Variants in ICAM2 observed in about 807,000 individuals in gnomAD.
The protein encoded by ICAM2 is ICAM-2.
Under a neutral mutation model 19.1 loss-of-function variants are expected in ICAM2, and 14 were observed. The observed-to-expected ratio is 0.73, with a 90% CI of 0.48 to 1.15. The LOEUF (loss-of-function observed/expected upper bound fraction) is 1.15, where lower values mean the gene tolerates loss of function less well. Among genes scored for constraint, ICAM2 ranks in the 50% most tolerant of loss-of-function variants. ICAM2 has a pLI of 0.00. For synonymous variants in ICAM2, 153 were observed against 152.7 expected (o/e 1.00, Z -0.01); for missense variants, 311 against 355.4 (o/e 0.88, Z 1.00).
At chr17:64,017,842 AG>A (rs1911773743) in intron 1 of ICAM2, among the ~76,000 whole-genome samples, 1 of 152,230 alleles carries the variant, frequency 6.6e-6, no homozygotes, top group African/African-American at 2.4e-5. Flanking sequence ...TAAATGACAC[AG>A]GATCAATTGA....
chr17:64,006,935 C>G (rs1158700656), intron 1 of ICAM2, 200 bp from the exon 2 acceptor site: 1 of 559,694 alleles, frequency 1.8e-6, no homozygotes, highest in African/African-American at 1.9e-5. Context: ...TAACCCAGTC[C>G]TCCCTGCTGA....
chr17:64,010,559 T>C (rs941205077), intron 1 of ICAM2, among the ~76,000 whole-genome samples: 1 of 151,186 alleles, frequency 6.6e-6, no homozygotes, highest in Non-Finnish European at 1.5e-5. Flanking sequence ...AAAAAACTAT[T>C]AGAATTGTGT....
At chr17:64,018,357 A>T (rs1911800327) in intron 1 of ICAM2, among the ~76,000 whole-genome samples, 1 of 148,850 alleles carries the variant, frequency 6.7e-6, no homozygotes, top group Non-Finnish European at 1.5e-5. Context: ...AAAAAAAAAA[A>T]GACACAAAGA....
At position 64,003,879 on chromosome 17, in the gene ICAM2, G is replaced by A. The variant is rs1327768746; in HGVS notation, c.414C>T (p.Thr138=). 1.9e-6 allele frequency: 3 copies of A among 1,614,178 alleles called. No homozygotes were observed. Among genetic ancestry groups the A allele is most frequent in the Admixed American group, 1.7e-5 (1 of 60,026 alleles). The part of the protein sequence containing the change: ...KSFTIECRVP[T]VEPLDSLTLF... The stretch of plus-strand genomic sequence containing the variant: ...GGGTGAGGCTGTCCAGGGGCTCCAC[G>A]GTGGGCACCCTGCACTCAATGGTGA... Residue 138 remains threonine, a synonymous_variant, in exon 4 of 5, where the codon ACC becomes ACT. Transcript: ENST00000579788.
Position 64,005,113 on chromosome 17 carries a change from C to G in ICAM2, c.322G>C (p.Val108Leu). 1.2e-6 allele frequency: 2 copies of G among 1,614,116 alleles called. No homozygotes were observed. The highest frequency in any genetic ancestry group is 8.5e-7 in the Non-Finnish European group (1 of 1,180,010). Residue 108 changes from valine to leucine, a missense_variant, in exon 3 of 5, where the codon GTG becomes CTG. By Grantham distance (32) the Val-to-Leu change is conservative (BLOSUM62 1). Transcript: ENST00000579788. ...KQESMNSNVS[V>L]YQPPRQVILT... is the part of the protein sequence containing the mutation. The stretch of plus-strand genomic sequence containing the variant: ...CCGCAGCACAGCCACTCACGGTACA[C>G]GCTGACGTTGGAATTCATTGACTCC...
chr17:64,013,794 A>C (rs1353284677), intron 1 of ICAM2, among the ~76,000 whole-genome samples: 1 of 152,118 alleles, frequency 6.6e-6, no homozygotes, highest in Non-Finnish European at 1.5e-5. Context: ...ATATAGAACT[A>C]TATACTTCTA....
At chr17:64,008,050 C>G (rs887720109) in intron 1 of ICAM2, among the ~76,000 whole-genome samples, 2 of 152,108 alleles carry the variant, frequency 1.3e-5, no homozygotes, top group African/African-American at 4.8e-5. Flanking sequence ...AAGCTCCATT[C>G]CGGGTTGGGA....
intron 1 of ICAM2, among the ~76,000 whole-genome samples, chr17:64,014,699 AAGGAAGGAAGGAAGGAAGGAAGG>A (rs1911634131): frequency 4.0e-5 from 1 of 24,754 alleles, no homozygotes; most frequent in South Asian, 1.9e-3. Flanking sequence ...GGAAGGAAGG[AAGGAAGGAAGGAAGGAAGGAAGG>A]AAGAAAGAAA....
At chr17:64,006,557 G>T in intron 2 of ICAM2, 74 bp downstream of exon 2, 1 of 1,315,388 alleles carries the variant, frequency 7.6e-7, no homozygotes, top group Non-Finnish European at 1.1e-6. Context: ...TCCACCTGAA[G>T]CCACAGGGAA....
chr17:64,013,075 G>A (rs1176511955), intron 1 of ICAM2, among the ~76,000 whole-genome samples: 3 of 152,326 alleles, frequency 2.0e-5, no homozygotes, highest in African/African-American at 7.2e-5. Context: ...CACTTTGGGA[G>A]GCTGGGGCGA....
At position 64,005,345 on chromosome 17, in the gene ICAM2, G is replaced by A. The variant is rs1228699305; in HGVS notation, c.90C>T (p.His30=). The A allele has an allele frequency of 1.2e-5, 19 of 1,613,992 alleles. No individual in the cohort carries two copies. The highest frequency in any genetic ancestry group is 1.4e-5 in the Non-Finnish European group (16 of 1,179,952). Reference sequence around the variant, plus strand: ...CAACCGCCAGCTTCTTTGGCCTCACGTGTACCTCGAATACCTTCTCATCCG... The same window carrying A: ...CAACCGCCAGCTTCTTTGGCCTCACATGTACCTCGAATACCTTCTCATCCG... ...PGSDEKVFEV[H]VRPKKLAVEP... The change falls in exon 3 of 5, where the codon CAC becomes CAT. Residue 30 remains histidine, a synonymous_variant. Coordinates refer to ENST00000579788, the MANE Select transcript of ICAM2 (RefSeq NM_001099789.2).
chr17:64,017,678 T>G (rs961555343), intron 1 of ICAM2, among the ~76,000 whole-genome samples: 5 of 152,210 alleles, frequency 3.3e-5, no homozygotes, highest in Non-Finnish European at 7.3e-5. Context: ...CTGCTAGATA[T>G]TAAGACTTTC....
intron 1 of ICAM2, among the ~76,000 whole-genome samples, chr17:64,007,406 G>T (rs1276636678): frequency 6.6e-6 from 1 of 152,066 alleles, no homozygotes; most frequent in Non-Finnish European, 1.5e-5. Context: ...GACATTACAG[G>T]ATCGCGTCAC....
chr17:64,011,420 C>CTT, intron 1 of ICAM2, among the ~76,000 whole-genome samples: 1 of 152,066 alleles, frequency 6.6e-6, no homozygotes, highest in Non-Finnish European at 1.5e-5. Flanking sequence ...CGAGATCGCG[C>CTT]CACTGCACTT....
chr17:64,012,427 A>G (rs1911492394), intron 1 of ICAM2, among the ~76,000 whole-genome samples: 1 of 152,064 alleles, frequency 6.6e-6, no homozygotes, highest in Non-Finnish European at 1.5e-5. Context: ...GTGGAACCCC[A>G]TTTCTACTAA....
At chr17:64,014,631 GA>G (rs1022363247) in intron 1 of ICAM2, among the ~76,000 whole-genome samples, 1 of 141,514 alleles carries the variant, frequency 7.1e-6, no homozygotes, top group African/African-American at 2.7e-5. Flanking sequence ...GAGAGAGAAA[GA>G]AAGAAAGAGA....
chr17:64,012,380 T>C (rs889215079), intron 1 of ICAM2, among the ~76,000 whole-genome samples: 1 of 152,018 alleles, frequency 6.6e-6, no homozygotes, highest in Non-Finnish European at 1.5e-5. Context: ...GGTGGATCAC[T>C]TGAGGTCAGG....
intron 1 of ICAM2, among the ~76,000 whole-genome samples, chr17:64,014,718 G>A (rs9896962): frequency 0.19 from 1,794 of 9,218 alleles, 33 homozygotes; most frequent in African/African-American, 0.26. Context: ...AGGAAGGAAG[G>A]AAGGAAGAAA....
intron 3 of ICAM2, 106 bp from the exon 4 acceptor site, chr17:64,004,070 G>A: frequency 1.1e-6 from 1 of 892,874 alleles, no homozygotes; most frequent in Non-Finnish European, 1.7e-6. Flanking sequence ...CACGGTTGGG[G>A]AGGAGGTGGC....
Sources: gnomAD v4.1 joint callset for allele counts (sites outside exome capture counted in the v4.1 genomes callset) on GRCh38, gnomAD v4.1.1 for gene constraint, MANE v1.5 for transcripts, NCBI Gene and HGNC (gene_info 2026-07-23, HGNC 2026-07-21) for gene names.